Variants in ADAMTSL1 observed in about 807,000 individuals in gnomAD.
ADAMTSL1 encodes the protein ADAMTS like 1.
In ADAMTSL1, 126 loss-of-function variants were observed where a neutral mutation model predicts 201.8. The ratio of observed to expected loss-of-function variants is 0.62; its 90% CI spans 0.54 to 0.72. ADAMTSL1 has a LOEUF of 0.72. Ranked by LOEUF, ADAMTSL1 falls within the 30% of genes least tolerant of loss-of-function variation. The pLI is 0.00. For missense variants in ADAMTSL1, 2,679 were observed against 2,277.8 expected, an observed-to-expected ratio of 1.18 and a Z score of -3.59; for synonymous variants, 1,121 against 903.4, an observed-to-expected ratio of 1.24 and a Z score of -4.32.
rs192584718 is a variant in ADAMTSL1 at position 18,528,383 on chromosome 9, C to A, written c.192-4864C>A. Among the ~76,000 whole-genome samples the A allele has an allele frequency of 1.4e-3, 218 of 152,116 alleles. 1 individual carries two copies. The highest frequency in any genetic ancestry group is 1.8e-3 in the Non-Finnish European group (120 of 67,996). ...CCCCAGGCCCCAGTGTGTGTTGTTA[C>A]CCCCATGTATACACGTGTTCTCACC... On this transcript the variant is annotated intron_variant, in intron 2 of 28. Coordinates refer to ENST00000380548, the MANE Select transcript of ADAMTSL1 (RefSeq NM_001040272.6).
chr9:18,372,796 C>T (rs935154501), intron 2 of ADAMTSL1, among the ~76,000 whole-genome samples: 1 of 152,140 alleles, frequency 6.6e-6, no homozygotes, highest in South Asian at 2.1e-4. Flanking sequence ...TTCTGTATAC[C>T]TAACCACTTC....
At chr9:18,556,602 C>T (rs1208978553) in intron 3 of ADAMTSL1, among the ~76,000 whole-genome samples, 2 of 151,938 alleles carry the variant, frequency 1.3e-5, no homozygotes, top group South Asian at 2.1e-4. Context: ...AATCTAAAAG[C>T]ACTGGGTTTT....
rs1247814316 is a variant in ADAMTSL1, at chr9:18,576,643, C to T, written c.474+2377C>T. Reference sequence around the variant, plus strand: ...AGGAAACTGAGACCTGGAGACTGTCCTGAGATCACGAATAATTTGGGTGGC... The same window carrying T: ...AGGAAACTGAGACCTGGAGACTGTCTTGAGATCACGAATAATTTGGGTGGC... On this transcript the variant is annotated intron_variant, in intron 4 of 28. Coordinates refer to ENST00000380548, the MANE Select transcript of ADAMTSL1 (RefSeq NM_001040272.6). Among the ~76,000 whole-genome samples, 5 of 152,222 alleles carry T rather than the reference C, an allele frequency of 3.3e-5. No individual in the cohort carries two copies. The East Asian group carries it at 9.7e-4, about 29-fold the overall frequency.
At position 18,892,413 on chromosome 9, in the gene ADAMTSL1, C is replaced by T. The variant is rs770977944; in HGVS notation, c.4668C>T (p.Ala1556=). ...PSRWMVTSWS[A]CTRSCGGGVQ... ...GGTGGATGGTGACCTCCTGGTCTGC[C>T]TGTACCCGGAGCTGTGGGGGAGGTG... Residue 1556 remains alanine, a synonymous_variant, in exon 26 of 29, where the codon GCC becomes GCT. Coordinates refer to ENST00000380548, the MANE Select transcript of ADAMTSL1 (RefSeq NM_001040272.6). 60 of 1,613,284 alleles carry T rather than the reference C, an allele frequency of 3.7e-5. No homozygotes were observed. The African/African-American group carries it at 4.7e-4, about 13-fold the overall frequency.
At chr9:18,438,713 C>T (rs1819861867) in intron 2 of ADAMTSL1, among the ~76,000 whole-genome samples, 3 of 152,170 alleles carry the variant, frequency 2.0e-5, no homozygotes, top group Admixed American at 2.0e-4. Context: ...TGCCCGGCGC[C>T]AACTCCTCCG....
chr9:18,016,220 G>A (rs1467179774), intron 1 of ADAMTSL1, among the ~76,000 whole-genome samples: 1 of 151,996 alleles, frequency 6.6e-6, no homozygotes, highest in Non-Finnish European at 1.5e-5. Flanking sequence ...AGTTGTCATT[G>A]AATTTAGGAC....
intron 2 of ADAMTSL1, among the ~76,000 whole-genome samples, chr9:18,433,208 A>T (rs1404536491): frequency 6.6e-6 from 1 of 152,082 alleles, no homozygotes; most frequent in Admixed American, 6.5e-5. Context: ...CATTTGTATG[A>T]TTTTATCACT....
At chr9:18,701,543 A>G (rs1160117872) in intron 13 of ADAMTSL1, among the ~76,000 whole-genome samples, 3 of 152,078 alleles carry the variant, frequency 2.0e-5, no homozygotes, top group South Asian at 4.1e-4. Flanking sequence ...TTTCTCACAT[A>G]TTATTCAGTT....
At chr9:18,044,832 G>C (rs568367957) in intron 1 of ADAMTSL1, among the ~76,000 whole-genome samples, 1 of 152,248 alleles carries the variant, frequency 6.6e-6, no homozygotes, top group African/African-American at 2.4e-5. Flanking sequence ...TTGGCTACTG[G>C]TGTATAGGTC....
At chr9:18,879,689 C>G (rs552323333) in intron 23 of ADAMTSL1, among the ~76,000 whole-genome samples, 5 of 152,198 alleles carry the variant, frequency 3.3e-5, no homozygotes, top group Admixed American at 6.5e-5. Flanking sequence ...TTAAGCAAGT[C>G]TAATCTTTTT....
chr9:18,463,264 G>C (rs986850568), intron 2 of ADAMTSL1, among the ~76,000 whole-genome samples: 3 of 152,072 alleles, frequency 2.0e-5, no homozygotes, highest in Non-Finnish European at 1.5e-5. Context: ...GCAGTTACTT[G>C]GCACAAGATT....
At chr9:18,836,575 A>C (rs1222078202) in intron 23 of ADAMTSL1, among the ~76,000 whole-genome samples, 1 of 152,144 alleles carries the variant, frequency 6.6e-6, no homozygotes. Context: ...CACTTTGGCT[A>C]TTCAGGCTCT....
chr9:18,897,463 TG>T (rs1438174811), intron 26 of ADAMTSL1, among the ~76,000 whole-genome samples: 1 of 152,162 alleles, frequency 6.6e-6, no homozygotes, highest in Admixed American at 6.5e-5. Context: ...CAGGAGCATC[TG>T]GGCCAGCAAC....
At chr9:18,679,681 GATA>G in intron 10 of ADAMTSL1, among the ~76,000 whole-genome samples, 1 of 152,246 alleles carries the variant, frequency 6.6e-6, no homozygotes, top group South Asian at 2.1e-4. Flanking sequence ...GGAATATGTA[GATA>G]ATATTAACGC....
At chr9:18,825,305 G>T (rs113071803) in intron 21 of ADAMTSL1, among the ~76,000 whole-genome samples, 1 of 152,284 alleles carries the variant, frequency 6.6e-6, no homozygotes, top group East Asian at 1.9e-4. Flanking sequence ...GGCTTCCAAA[G>T]AGAGAGCCCA....
At chr9:18,753,221 C>G in intron 15 of ADAMTSL1, 77 bp from the exon 16 acceptor site, 1 of 1,431,022 alleles carries the variant, frequency 7.0e-7, no homozygotes, top group Non-Finnish European at 9.6e-7. Flanking sequence ...GGGGTTTTAA[C>G]TCCATTTGAG....
intron 7 of ADAMTSL1, among the ~76,000 whole-genome samples, chr9:18,642,843 G>C (rs539827527): frequency 3.3e-5 from 5 of 151,942 alleles, no homozygotes; most frequent in Non-Finnish European, 7.4e-5. Flanking sequence ...TGAACACCTA[G>C]GTTGATTTCA....
intron 1 of ADAMTSL1, among the ~76,000 whole-genome samples, chr9:18,023,598 C>T (rs1820570298): frequency 1.3e-5 from 2 of 152,120 alleles, no homozygotes; most frequent in African/African-American, 2.4e-5. Context: ...AGAGTAGCTG[C>T]TGGCTTTGGG....
rs570351499 is a variant in ADAMTSL1 at position 18,558,931 on chromosome 9, CAA to C, written c.238-15094_238-15093del. Among the ~76,000 whole-genome samples, 608 of 152,186 alleles carry C rather than the reference CAA, an allele frequency of 4.0e-3. 2 individuals are homozygous for C. Among genetic ancestry groups the C allele is most frequent in the African/African-American group, 0.014 (586 of 41,538 alleles). On this transcript the variant is annotated intron_variant, in intron 3 of 28. Transcript: ENST00000380548. ...AGCCCTTTGTCAGATGAATAGATTG[CAA>C]AAAATTTCTCCCATTCTGTAGGTTG...
Sources: allele counts gnomAD v4.1 joint callset (sites outside exome capture counted in the v4.1 genomes callset), GRCh38; gene constraint gnomAD v4.1.1; transcripts MANE v1.5; gene names NCBI Gene and HGNC (gene_info 2026-07-23, HGNC 2026-07-21).